The following NCK1 variants were observed in gnomAD, a reference collection of about 807,000 sequenced individuals.
NCK1 encodes NCK adaptor protein 1.
In NCK1, 19 loss-of-function variants were observed where a neutral mutation model predicts 36.6. That is an observed-to-expected ratio of 0.52 (90% CI 0.36 to 0.76). The LOEUF (loss-of-function observed/expected upper bound fraction) is 0.76. Among genes scored for constraint, NCK1 ranks in the 30% least tolerant of loss-of-function variants. NCK1 has a pLI of 0.00. For missense variants in NCK1, 358 were observed against 445.6 expected (o/e 0.80, Z 1.77); for synonymous variants, 165 against 156.0 (o/e 1.06, Z -0.43).
intron 3 of NCK1, among the ~76,000 whole-genome samples, 197 bp from the exon 4 acceptor site, chr3:136,948,062 T>C (rs1940874318): frequency 6.6e-6 from 1 of 152,128 alleles, no homozygotes; most frequent in South Asian, 2.1e-4. Context: ...AAGTTATTAA[T>C]AGCTTCTTTG....
Position 136,948,241 on chromosome 3 carries a change from C to CTT in NCK1, c.940-11_940-10dup. 1.3e-6 allele frequency: 2 copies of CTT among 1,558,538 alleles called. No homozygotes were observed. ...CTTTCAAAATGTTTACTATATGTAT[C>CTT]TTTTTTTTCTCTTTTAGCCAAATGA... On this transcript the variant is annotated splice_polypyrimidine_tract_variant and intron_variant, in intron 3 of 3. Transcript: ENST00000481752.
chr3:136,932,213 T>G (rs1940410667), intron 2 of NCK1, among the ~76,000 whole-genome samples: 1 of 151,992 alleles, frequency 6.6e-6, no homozygotes, highest in Non-Finnish European at 1.5e-5. Flanking sequence ...TTTTGCTGAG[T>G]CTTAGGAAGT....
At chr3:136,878,141 G>A (rs528463742) in intron 1 of NCK1, among the ~76,000 whole-genome samples, 13 of 152,262 alleles carry the variant, frequency 8.5e-5, no homozygotes, top group African/African-American at 2.6e-4. Flanking sequence ...GGACATGGTG[G>A]CTCACACCTG....
At chr3:136,920,773 G>GTT (rs1560047274) in intron 1 of NCK1, among the ~76,000 whole-genome samples, 1 of 152,020 alleles carries the variant, frequency 6.6e-6, no homozygotes, top group Non-Finnish European at 1.5e-5. Context: ...TTATGAAAAC[G>GTT]TGTAACATAA....
intron 1 of NCK1, among the ~76,000 whole-genome samples, chr3:136,912,162 C>CTTTTTTTTTTTTT (rs57596314): frequency 7.0e-5 from 9 of 128,198 alleles, no homozygotes; most frequent in African/African-American, 3.2e-5. Context: ...ATTATTTTTT[C>CTTTTTTTTTTTTT]TTTTTTTTTT....
At chr3:136,909,407 C>T (rs1939776768) in intron 1 of NCK1, among the ~76,000 whole-genome samples, 1 of 152,174 alleles carries the variant, frequency 6.6e-6, no homozygotes, top group African/African-American at 2.4e-5. Context: ...CTAAAAACCA[C>T]GTGTATGATA....
chr3:136,899,985 G>T, intron 1 of NCK1: 1 of 697,954 alleles, frequency 1.4e-6, no homozygotes. Flanking sequence ...CTTGTTTAAA[G>T]GTACAGTTGC....
At chr3:136,878,253 A>C (rs147794062) in intron 1 of NCK1, among the ~76,000 whole-genome samples, 15 of 152,190 alleles carry the variant, frequency 9.9e-5, no homozygotes, top group Non-Finnish European at 1.9e-4. Context: ...AACTATAAAC[A>C]CACAAATTAG....
intron 1 of NCK1, among the ~76,000 whole-genome samples, chr3:136,926,082 T>G (rs892672696): frequency 6.6e-6 from 1 of 152,198 alleles, no homozygotes; most frequent in Non-Finnish European, 1.5e-5. Flanking sequence ...TAGCTAATGA[T>G]GAATACCTTT....
chr3:136,940,964 G>T (rs1940656372), intron 2 of NCK1, among the ~76,000 whole-genome samples: 1 of 152,056 alleles, frequency 6.6e-6, no homozygotes, highest in Non-Finnish European at 1.5e-5. Flanking sequence ...TAAAGTGAGT[G>T]TCTTGCAGAT....
chr3:136,888,455 T>C (rs988020245), intron 1 of NCK1, among the ~76,000 whole-genome samples: 4 of 150,942 alleles, frequency 2.7e-5, no homozygotes, highest in Non-Finnish European at 4.4e-5. Flanking sequence ...CAGGGTGGAG[T>C]GCAGTGGCAA....
intron 1 of NCK1, among the ~76,000 whole-genome samples, chr3:136,888,293 TA>T (rs1233919802): frequency 6.6e-6 from 1 of 152,146 alleles, no homozygotes; most frequent in African/African-American, 2.4e-5. Flanking sequence ...TGTCGGTTTT[TA>T]AAAAAAGGTT....
chr3:136,948,289 CA>C lies in NCK1; in HGVS notation c.972del (p.Asn327ThrfsTer8), dbSNP rs1279207536. 6.2e-7 allele frequency: 1 copy of C among 1,602,896 alleles called. No individual in the cohort carries two copies. The highest frequency in any genetic ancestry group is 1.1e-5 in the South Asian group (1 of 88,498). On this transcript the variant is annotated frameshift_variant, in exon 4 of 4. Transcript: ENST00000481752. LOFTEE classifies it high-confidence loss of function. ...TGATTTCTCAGTATCACTAAAAGCA[CA>C]AGGGAAAAACAAGCATTTTAAAGTC... ...PNDFSVSLKA[Q>X]GKNKHFKVQL...
intron 1 of NCK1, among the ~76,000 whole-genome samples, chr3:136,867,783 G>A (rs1032021790): frequency 6.6e-5 from 10 of 152,118 alleles, no homozygotes; most frequent in Non-Finnish European, 2.9e-5. Context: ...CAAGTTCTGT[G>A]TGTTTATGAA....
chr3:136,889,927 A>T (rs905816907), intron 1 of NCK1, among the ~76,000 whole-genome samples: 5 of 152,216 alleles, frequency 3.3e-5, no homozygotes, highest in Non-Finnish European at 7.3e-5. Context: ...TCAGGAGCCC[A>T]GCTGGCTTCA....
chr3:136,899,868 CT>C (rs35806195), intron 1 of NCK1: 129,882 of 1,108,604 alleles, frequency 0.12, 6,478 homozygotes, highest in Middle Eastern at 0.14. Context: ...TAAAGCCATC[CT>C]TTTTTTTTTA....
chr3:136,880,601 A>G (rs944194752), intron 1 of NCK1, among the ~76,000 whole-genome samples: 15 of 152,134 alleles, frequency 9.9e-5, no homozygotes, highest in Admixed American at 3.9e-4. Context: ...TATCTCATGG[A>G]TCTTGAACTT....
At chr3:136,919,286 A>G (rs887590395) in intron 1 of NCK1, among the ~76,000 whole-genome samples, 1 of 152,132 alleles carries the variant, frequency 6.6e-6, no homozygotes, top group African/African-American at 2.4e-5. Flanking sequence ...CAGTGATTAC[A>G]TAACTCTTAA....
At chr3:136,947,199 A>G (rs907530225) in intron 3 of NCK1, among the ~76,000 whole-genome samples, 9 of 152,156 alleles carry the variant, frequency 5.9e-5, no homozygotes, top group Non-Finnish European at 1.0e-4. Flanking sequence ...CCCTCAGAAA[A>G]GCAGTTGGTT....
Sources: allele counts gnomAD v4.1 joint callset (sites outside exome capture counted in the v4.1 genomes callset), GRCh38; gene constraint gnomAD v4.1.1; transcripts MANE v1.5; gene names NCBI Gene and HGNC (gene_info 2026-07-23, HGNC 2026-07-21).